The following ADAMTS18 variants were observed in gnomAD, a reference collection of about 807,000 sequenced individuals.
The protein encoded by ADAMTS18 is ADAM metallopeptidase with thrombospondin type 1 motif 18.
ADAMTS18 carries 157 observed loss-of-function variants against 165.9 expected under a neutral mutation model. The ratio of observed to expected loss-of-function variants is 0.95; its 90% CI spans 0.83 to 1.08. The LOEUF (loss-of-function observed/expected upper bound fraction) is 1.08, where lower values mean the gene tolerates loss of function less well. Among genes scored for constraint, ADAMTS18 ranks in the 50% least tolerant of loss-of-function variants. The pLI is 0.00. For missense variants in ADAMTS18, 2,040 were observed against 1,534.0 expected (o/e 1.33, Z -5.51); for synonymous variants, 782 against 578.2 (o/e 1.35, Z -5.06).
chr16:77,320,124 T>G lies in ADAMTS18; in HGVS notation c.2288-31A>C, dbSNP rs2055968301. On this transcript the variant is annotated intron_variant, in intron 15 of 22. Coordinates refer to ENST00000282849, the MANE Select transcript of ADAMTS18 (RefSeq NM_199355.4). ...TGGAAAGAAGAGAACATGTCTGAATTCCACCCCATGCATTGGAGAAAAGGG... is the reference window on the plus strand; with the variant it reads ...TGGAAAGAAGAGAACATGTCTGAATGCCACCCCATGCATTGGAGAAAAGGG... 10 of 1,613,804 alleles carry G rather than the reference T, an allele frequency of 6.2e-6. No homozygotes were observed. In the East Asian group the frequency reaches 2.2e-4, roughly 36 times the overall value.
chr16:77,308,734 G>C (rs969355481), intron 16 of ADAMTS18, among the ~76,000 whole-genome samples: 1 of 152,118 alleles, frequency 6.6e-6, no homozygotes, highest in Non-Finnish European at 1.5e-5. Flanking sequence ...GAAAAACATT[G>C]TTTTCAGGCA....
At chr16:77,417,205 T>G (rs930020500) in intron 3 of ADAMTS18, among the ~76,000 whole-genome samples, 4 of 152,076 alleles carry the variant, frequency 2.6e-5, no homozygotes, top group Non-Finnish European at 4.4e-5. Context: ...TCTGTCATAA[T>G]GTGAAGACAT....
chr16:77,351,141 G>T (rs989074211), intron 10 of ADAMTS18, among the ~76,000 whole-genome samples: 1 of 152,104 alleles, frequency 6.6e-6, no homozygotes, highest in Non-Finnish European at 1.5e-5. Context: ...TGTGGCCATG[G>T]GTTCAAGTTA....
intron 2 of ADAMTS18, 68 bp from the exon 3 acceptor site, chr16:77,431,679 G>T: frequency 6.5e-7 from 1 of 1,530,200 alleles, no homozygotes; most frequent in Non-Finnish European, 9.0e-7. Flanking sequence ...TTTCCAGCAA[G>T]CTGGCAAAGA....
At chr16:77,401,362 G>A (rs2057329650) in intron 3 of ADAMTS18, among the ~76,000 whole-genome samples, 1 of 152,182 alleles carries the variant, frequency 6.6e-6, no homozygotes, top group African/African-American at 2.4e-5. Flanking sequence ...CTGTGTACTA[G>A]ATGCCATTTT....
intron 10 of ADAMTS18, among the ~76,000 whole-genome samples, chr16:77,345,052 T>C (rs2056455823): frequency 1.3e-5 from 2 of 152,174 alleles, no homozygotes; most frequent in Non-Finnish European, 2.9e-5. Context: ...AGGTCTCATG[T>C]TGCCTGCATA....
chr16:77,290,001 A>ATACT (rs1209943889), intron 21 of ADAMTS18, among the ~76,000 whole-genome samples: 1 of 152,244 alleles, frequency 6.6e-6, no homozygotes, highest in Non-Finnish European at 1.5e-5. Context: ...ATTTATAAAG[A>ATACT]TACTTCATAA....
At chr16:77,360,301 T>C (rs183599026) in intron 7 of ADAMTS18, among the ~76,000 whole-genome samples, 2 of 152,374 alleles carry the variant, frequency 1.3e-5, no homozygotes, top group Admixed American at 1.3e-4. Flanking sequence ...GTCTATTATA[T>C]ATCTGTGTGT....
chr16:77,310,610 G>A (rs983420308), intron 16 of ADAMTS18, among the ~76,000 whole-genome samples: 1 of 151,450 alleles, frequency 6.6e-6, no homozygotes, highest in Non-Finnish European at 1.5e-5. Context: ...AAGTTTTGGT[G>A]AAAAGATTTA....
At chr16:77,385,211 AGATAAATATTTT>A (rs960100291) in intron 3 of ADAMTS18, among the ~76,000 whole-genome samples, 1 of 152,132 alleles carries the variant, frequency 6.6e-6, no homozygotes, top group African/African-American at 2.4e-5. Flanking sequence ...GCCTGGCCAT[AGATAAATATTTT>A]GATATAAGAT....
At chr16:77,323,464 G>A (rs1022533280) in intron 13 of ADAMTS18, among the ~76,000 whole-genome samples, 5 of 151,740 alleles carry the variant, frequency 3.3e-5, no homozygotes, top group East Asian at 1.9e-4. Flanking sequence ...TATTTAATGC[G>A]TAATTTTTGC....
chr16:77,343,083 T>G (rs1015140995), intron 10 of ADAMTS18, among the ~76,000 whole-genome samples: 16 of 151,908 alleles, frequency 1.1e-4, no homozygotes, highest in African/African-American at 3.9e-4. Flanking sequence ...TCTTTTTTTT[T>G]TTTTTTGAGA....
intron 3 of ADAMTS18, among the ~76,000 whole-genome samples, chr16:77,409,119 C>A (rs1337088742): frequency 6.6e-6 from 1 of 152,082 alleles, no homozygotes; most frequent in Non-Finnish European, 1.5e-5. Context: ...CAGTTTCAGG[C>A]ATCCACCGGA....
chr16:77,300,896 G>T (rs1008168947), intron 16 of ADAMTS18, among the ~76,000 whole-genome samples: 1 of 152,136 alleles, frequency 6.6e-6, no homozygotes, highest in African/African-American at 2.4e-5. Flanking sequence ...AGTGGAAGTT[G>T]AAACAAGGGA....
intron 12 of ADAMTS18, among the ~76,000 whole-genome samples, chr16:77,328,492 C>T (rs1055649975): frequency 2.0e-5 from 3 of 152,108 alleles, no homozygotes; most frequent in Non-Finnish European, 4.4e-5. Context: ...TCAACAGAAA[C>T]GGGAAATGTC....
chr16:77,324,736 T>A (rs1454138912), intron 13 of ADAMTS18, among the ~76,000 whole-genome samples: 1 of 152,226 alleles, frequency 6.6e-6, no homozygotes, highest in Non-Finnish European at 1.5e-5. Flanking sequence ...AGCCCTTGAA[T>A]TAATTCTGTT....
chr16:77,366,517 C>T (rs1223502553), intron 4 of ADAMTS18, among the ~76,000 whole-genome samples: 1 of 152,124 alleles, frequency 6.6e-6, no homozygotes, highest in Admixed American at 6.5e-5. Flanking sequence ...AGAGATCGCG[C>T]CACTTCACTC....
chr16:77,327,427 C>A lies in ADAMTS18; in HGVS notation c.1860-1389G>T, dbSNP rs140198103. Among the ~76,000 whole-genome samples, 17 of 152,232 alleles carry A rather than the reference C, an allele frequency of 1.1e-4. No homozygotes were observed. The East Asian group carries it at 1.2e-3, about 10-fold the overall frequency. ...GCTCCCACATATGAATGAGAACATA[C>A]AATGTTTGGTTTTCCATTCCTGAGT... is the stretch of plus-strand genomic sequence containing the variant. On this transcript the variant is annotated intron_variant, in intron 12 of 22. Transcript: ENST00000282849.
chr16:77,286,780 A>T (rs2055260025), intron 22 of ADAMTS18, among the ~76,000 whole-genome samples: 1 of 152,170 alleles, frequency 6.6e-6, no homozygotes, highest in Non-Finnish European at 1.5e-5. Flanking sequence ...GGTAGCTTCC[A>T]GACACGTAAA....
Sources: gnomAD v4.1 joint callset for allele counts (sites outside exome capture counted in the v4.1 genomes callset) on GRCh38, gnomAD v4.1.1 for gene constraint, MANE v1.5 for transcripts, NCBI Gene and HGNC (gene_info 2026-07-23, HGNC 2026-07-21) for gene names.